Variants in GATAD2A observed in about 807,000 individuals in gnomAD.
GATAD2A encodes transcriptional repressor p66-alpha.
Under a neutral mutation model 68.5 loss-of-function variants are expected in GATAD2A, and 12 were observed. The observed-to-expected ratio is 0.18, with a 90% CI of 0.11 to 0.28. The LOEUF (loss-of-function observed/expected upper bound fraction) is 0.28, where lower values mean the gene tolerates loss of function less well. Among genes scored for constraint, GATAD2A ranks in the 10% least tolerant of loss-of-function variants. The probability of loss-of-function intolerance (pLI) is 1.00; values close to 1 mark genes in which losing one functional copy is unlikely to be tolerated. For synonymous variants in GATAD2A, 410 were observed against 375.3 expected (o/e 1.09, Z -1.07); for missense variants, 755 against 868.5 (o/e 0.87, Z 1.64).
intron 1 of GATAD2A, among the ~76,000 whole-genome samples, chr19:19,444,004 C>T (rs1333258553): frequency 4.6e-5 from 7 of 152,152 alleles, no homozygotes; most frequent in Non-Finnish European, 5.9e-5. Flanking sequence ...GTGGAGCCCT[C>T]AGGAAGTGTT....
At chr19:19,503,392 A>G (rs2060672921) in intron 11 of GATAD2A, among the ~76,000 whole-genome samples, 1 of 152,220 alleles carries the variant, frequency 6.6e-6, no homozygotes, top group South Asian at 2.1e-4. Context: ...GGGCGTGCCC[A>G]GGTGCCAGGC....
chr19:19,448,871 G>A (rs1476352321), intron 1 of GATAD2A, among the ~76,000 whole-genome samples: 1 of 152,152 alleles, frequency 6.6e-6, no homozygotes, highest in African/African-American at 2.4e-5. Flanking sequence ...GGTACAACTT[G>A]GGGGTGAAGA....
At chr19:19,416,438 AC>A (rs1373950378) in intron 1 of GATAD2A, among the ~76,000 whole-genome samples, 1 of 152,152 alleles carries the variant, frequency 6.6e-6, no homozygotes, top group Non-Finnish European at 1.5e-5. Context: ...TGATGCTGGC[AC>A]CAGGCAGGCT....
At chr19:19,479,923 T>TGCCTCC (rs922385166) in intron 2 of GATAD2A, among the ~76,000 whole-genome samples, 4 of 148,104 alleles carry the variant, frequency 2.7e-5, no homozygotes, top group Non-Finnish European at 5.9e-5. Flanking sequence ...CTGCAACCTC[T>TGCCTCC]GCCTCCCAGG....
At chr19:19,420,865 T>C (rs571058537) in intron 1 of GATAD2A, among the ~76,000 whole-genome samples, 1 of 152,308 alleles carries the variant, frequency 6.6e-6, no homozygotes, top group South Asian at 2.1e-4. Context: ...AAATCAGGCA[T>C]GTAACGTGTT....
At chr19:19,417,892 C>T (rs184623994) in intron 1 of GATAD2A, among the ~76,000 whole-genome samples, 4 of 152,268 alleles carry the variant, frequency 2.6e-5, no homozygotes, top group Non-Finnish European at 5.9e-5. Flanking sequence ...CTTCCCTGCT[C>T]GACCAGTGCT....
chr19:19,477,843 A>G (rs2058776818), intron 2 of GATAD2A, among the ~76,000 whole-genome samples: 1 of 152,178 alleles, frequency 6.6e-6, no homozygotes, highest in Non-Finnish European at 1.5e-5. Flanking sequence ...CACAAGATTC[A>G]GAATAGCGTC....
intron 1 of GATAD2A, among the ~76,000 whole-genome samples, chr19:19,394,723 C>A (rs997263259): frequency 6.6e-6 from 1 of 152,014 alleles, no homozygotes; most frequent in Non-Finnish European, 1.5e-5. Flanking sequence ...GGATTACAGG[C>A]GTGAGCCACC....
intron 2 of GATAD2A, among the ~76,000 whole-genome samples, chr19:19,472,113 T>C (rs770920179): frequency 6.6e-5 from 10 of 152,162 alleles, no homozygotes; most frequent in Non-Finnish European, 1.3e-4. Context: ...CCCAGACTGG[T>C]CCTGAACTCC....
At chr19:19,389,403 GTCTC>G (rs1179665730) in intron 1 of GATAD2A, among the ~76,000 whole-genome samples, 1 of 152,204 alleles carries the variant, frequency 6.6e-6, no homozygotes, top group African/African-American at 2.4e-5. Flanking sequence ...ACTGAGGGCA[GTCTC>G]TCTCCTGTTC....
intron 2 of GATAD2A, among the ~76,000 whole-genome samples, chr19:19,486,294 GC>G (rs1460346084): frequency 1.3e-5 from 2 of 152,230 alleles, no homozygotes; most frequent in African/African-American, 4.8e-5. Context: ...GGCACGGGCG[GC>G]CTGTTTGCTG....
chr19:19,405,186 T>C (rs1568700089), upstream of GATAD2A, among the ~76,000 whole-genome samples: 1 of 152,076 alleles, frequency 6.6e-6, no homozygotes, highest in Non-Finnish European at 1.5e-5. Flanking sequence ...CTTTGTAGAA[T>C]TCTGTTCACT....
intron 1 of GATAD2A, among the ~76,000 whole-genome samples, chr19:19,432,959 C>G (rs1042958430): frequency 6.6e-6 from 1 of 152,156 alleles, no homozygotes; most frequent in Non-Finnish European, 1.5e-5. Context: ...AGTGGTTGGG[C>G]TCCAGATATA....
At chr19:19,492,753 G>T (rs749754394) in intron 4 of GATAD2A, 41 bp downstream of exon 4, 1 of 1,605,322 alleles carries the variant, frequency 6.2e-7, no homozygotes, top group South Asian at 1.1e-5. Flanking sequence ...CAGCAGGAGC[G>T]CCTGGCCTTG....
In GATAD2A at chr19:19,507,379, C is replaced by T. The variant is rs547254872; in HGVS notation, c.*1905C>T. ...AGCCCTCTCTGTTCCATGACAGGGG[C>T]CAGATCTTCCAGCTCCTCCCAGAAG... On this transcript the variant is annotated 3_prime_UTR_variant, in exon 12 of 12. Transcript: ENST00000683918. The T allele has an allele frequency of 3.3e-5, 5 of 152,306 alleles. No homozygotes were observed. In the East Asian group the frequency reaches 9.6e-4, roughly 29 times the overall value. The allele number at this position is 152,306 out of a possible 1,614,324, so 9.4% of individuals were successfully genotyped here. A position where few individuals can be genotyped will look rare whatever the true frequency, so the allele number is the denominator to read the frequency against.
In GATAD2A at chr19:19,505,564, C is replaced by G; in HGVS notation, c.*90C>G. On this transcript the variant is annotated 3_prime_UTR_variant, in exon 12 of 12. Coordinates refer to ENST00000683918, the MANE Select transcript of GATAD2A (RefSeq NM_001384528.1). ...CCCACTGCACCACCCTCCGCTGGCT[C>G]GGGAAGACACCGTGCCCGCCCCAAG... 2 of 1,193,490 alleles carry G rather than the reference C, an allele frequency of 1.7e-6. No homozygotes were observed. Among genetic ancestry groups the G allele is most frequent in the Non-Finnish European group, 2.3e-6 (2 of 869,954 alleles). The allele number at this position is 1,193,490 out of a possible 1,614,324, so 73.9% of individuals were successfully genotyped here.
rs1212984558 is a variant in GATAD2A, at chr19:19,492,405, G to A, written c.369G>A (p.Val123=). The A allele has an allele frequency of 3.7e-6, 6 of 1,613,774 alleles. No individual in the cohort carries two copies. The highest frequency in any genetic ancestry group is 3.3e-5 in the Admixed American group (2 of 59,964). ...CGAGAGTGAATGGGCTGACCACGGTGGCCTTGAAGGAGACTAGCACCGAGG... is the reference window on the plus strand; with the variant it reads ...CGAGAGTGAATGGGCTGACCACGGTAGCCTTGAAGGAGACTAGCACCGAGG... ...SSPRVNGLTT[V]ALKETSTEAL... The change falls in exon 3 of 12, where the codon GTG becomes GTA. Residue 123 remains valine, a synonymous_variant. Coordinates refer to ENST00000683918, the MANE Select transcript of GATAD2A (RefSeq NM_001384528.1).
At chr19:19,449,455 G>C (rs1308856360) in intron 1 of GATAD2A, among the ~76,000 whole-genome samples, 1 of 152,132 alleles carries the variant, frequency 6.6e-6, no homozygotes, top group Admixed American at 6.6e-5. Context: ...CTCCCTAGTA[G>C]CTGGAACTAC....
intron 11 of GATAD2A, among the ~76,000 whole-genome samples, chr19:19,503,601 T>C (rs1229575780): frequency 6.6e-6 from 1 of 151,824 alleles, no homozygotes; most frequent in African/African-American, 2.4e-5. Flanking sequence ...TAGAAGTCGA[T>C]AAGTGTGTGC....
Sources: allele counts gnomAD v4.1 joint callset (sites outside exome capture counted in the v4.1 genomes callset), GRCh38; gene constraint gnomAD v4.1.1; transcripts MANE v1.5; gene names NCBI Gene and HGNC (gene_info 2026-07-23, HGNC 2026-07-21).